The following CREB5 variants were observed in gnomAD, a reference collection of about 807,000 sequenced individuals.
CREB5 encodes the protein cAMP responsive element binding protein 5, also known as cyclic AMP-responsive element-binding protein 5.
CREB5 carries 19 observed loss-of-function variants against 57.1 expected under a neutral mutation model. The ratio of observed to expected loss-of-function variants is 0.33; its 90% confidence interval spans 0.23 to 0.49. The LOEUF (loss-of-function observed/expected upper bound fraction) is 0.49, where lower values mean the gene tolerates loss of function less well. CREB5 is among the 20% of genes least tolerant of loss of function. The pLI, the probability that CREB5 is intolerant of heterozygous loss-of-function variation, is 0.99. For missense variants in CREB5, 579 were observed against 671.6 expected, an observed-to-expected ratio of 0.86 and a Z score of 1.52; for synonymous variants, 238 against 238.3, an observed-to-expected ratio of 1.00 and a Z score of 0.01.
chr7:28,684,361 G>A (rs932107472), intron 5 of CREB5, among the ~76,000 whole-genome samples: 3 of 152,160 alleles, frequency 2.0e-5, no homozygotes, highest in East Asian at 1.9e-4. Context: ...GGTGTCACTC[G>A]GAGCTACTGT....
intron 4 of CREB5, among the ~76,000 whole-genome samples, chr7:28,559,753 A>G (rs1371517402): frequency 6.6e-6 from 1 of 152,210 alleles, no homozygotes; most frequent in Admixed American, 6.5e-5. Flanking sequence ...TATCCAACCA[A>G]TGGTAATTTA....
chr7:28,570,655 C>G, intron 5 of CREB5, 118 bp downstream of exon 5: 1 of 1,171,806 alleles, frequency 8.5e-7, no homozygotes. Context: ...ATGATATTGC[C>G]TAGAGCTCAG....
chr7:28,759,268 T>C (rs923717453), intron 7 of CREB5, among the ~76,000 whole-genome samples: 3 of 152,172 alleles, frequency 2.0e-5, no homozygotes, highest in African/African-American at 7.2e-5. Flanking sequence ...ATATGTTAGA[T>C]CATGTCAAGT....
At chr7:28,415,589 C>G (rs1583435509) in intron 1 of CREB5, among the ~76,000 whole-genome samples, 1 of 152,112 alleles carries the variant, frequency 6.6e-6, no homozygotes, top group Non-Finnish European at 1.5e-5. Flanking sequence ...ATAAGGGCCT[C>G]CTTAATTAAT....
intron 4 of CREB5, among the ~76,000 whole-genome samples, chr7:28,516,519 A>AGGCACCGCCCTCAGCTCAGCT (rs1208001209): frequency 5.3e-5 from 8 of 152,208 alleles, no homozygotes; most frequent in African/African-American, 1.9e-4. Context: ...GAAGCTCCGC[A>AGGCACCGCCCTCAGCTCAGCT]GGCACCGCCC....
intron 5 of CREB5, among the ~76,000 whole-genome samples, chr7:28,716,139 T>G (rs922587574): frequency 2.0e-5 from 3 of 152,052 alleles, no homozygotes; most frequent in African/African-American, 7.2e-5. Context: ...TTTTCTCTAA[T>G]TTTTTTTAAT....
chr7:28,383,392 G>T (rs1476734606), intron 1 of CREB5, among the ~76,000 whole-genome samples: 1 of 152,208 alleles, frequency 6.6e-6, no homozygotes, highest in Non-Finnish European at 1.5e-5. Context: ...AGAAATAGCT[G>T]GGACTGGGTA....
intron 4 of CREB5, among the ~76,000 whole-genome samples, chr7:28,530,401 C>A (rs1793672170): frequency 6.6e-6 from 1 of 152,170 alleles, no homozygotes; most frequent in Non-Finnish European, 1.5e-5. Context: ...TGCTCAGGGG[C>A]AGCTTGGGCT....
At chr7:28,522,415 A>C (rs1174720749) in intron 4 of CREB5, among the ~76,000 whole-genome samples, 1 of 91,784 alleles carries the variant, frequency 1.1e-5, no homozygotes, top group African/African-American at 4.7e-5. Context: ...TTTTTTTCTG[A>C]GGTGGAGTCT....
At chr7:28,776,294 C>G (rs1468983624) in intron 7 of CREB5, among the ~76,000 whole-genome samples, 1 of 149,436 alleles carries the variant, frequency 6.7e-6, no homozygotes, top group African/African-American at 2.5e-5. Context: ...GCCGAGATAG[C>G]GCCACTGCAC....
At chr7:28,684,209 G>A (rs73083763) in intron 5 of CREB5, among the ~76,000 whole-genome samples, 9,601 of 152,270 alleles carry the variant, frequency 0.063, 421 homozygotes, top group Middle Eastern at 0.14. Flanking sequence ...CAAGTCAGAC[G>A]TAAATGAGTT....
intron 4 of CREB5, among the ~76,000 whole-genome samples, chr7:28,569,919 T>C (rs1009410897): frequency 4.6e-5 from 7 of 151,890 alleles, no homozygotes; most frequent in African/African-American, 1.7e-4. Context: ...TGTATATATA[T>C]GGTTGGGCAC....
At chr7:28,402,655 C>T (rs1319047788) in intron 1 of CREB5, among the ~76,000 whole-genome samples, 1 of 152,138 alleles carries the variant, frequency 6.6e-6, no homozygotes, top group East Asian at 1.9e-4. Flanking sequence ...TTTCCTTACA[C>T]CTCATACAAA....
At chr7:28,770,786 G>T (rs56014181) in intron 7 of CREB5, among the ~76,000 whole-genome samples, 37,016 of 152,116 alleles carry the variant, frequency 0.24, 5,494 homozygotes, top group Non-Finnish European at 0.34. Context: ...AGGGGCAGGG[G>T]GATGGGAGAA....
At chr7:28,613,105 G>C (rs758548304) in intron 5 of CREB5, among the ~76,000 whole-genome samples, 35 of 152,200 alleles carry the variant, frequency 2.3e-4, no homozygotes, top group African/African-American at 2.4e-5. Flanking sequence ...TGGGACTACA[G>C]AGGAAAGCAG....
Position 28,464,266 on chromosome 7 carries a change from T to C in CREB5, c.4-23909T>C, listed in dbSNP as rs146468798. ...ATTTATTTTGTTGGAGATTCTTGTA[T>C]CTATATTCATAAGAAATATTGCTGT... is the stretch of plus-strand genomic sequence containing the variant. On this transcript the variant is annotated intron_variant, in intron 1 of 10. Coordinates refer to ENST00000357727, the MANE Select transcript of CREB5 (RefSeq NM_182898.4). 2.5e-3 allele frequency among the ~76,000 whole-genome samples: 383 copies of C among 152,334 alleles called. 4 individuals are homozygous for C. The highest frequency in any genetic ancestry group is 9.0e-3 in the African/African-American group (375 of 41,578).
chr7:28,331,028 T>C (rs1181461102), intron 1 of CREB5, among the ~76,000 whole-genome samples: 2 of 152,162 alleles, frequency 1.3e-5, no homozygotes, highest in African/African-American at 4.8e-5. Context: ...GCTGTATCAG[T>C]TACAATGCTT....
chr7:28,579,180 G>C (rs1255537720), intron 5 of CREB5, among the ~76,000 whole-genome samples: 1 of 152,146 alleles, frequency 6.6e-6, no homozygotes, highest in African/African-American at 2.4e-5. Context: ...CTTTCTCGTA[G>C]CTCAAATTCC....
chr7:28,527,991 T>G (rs1471085285), intron 4 of CREB5, among the ~76,000 whole-genome samples: 1 of 152,204 alleles, frequency 6.6e-6, no homozygotes, highest in African/African-American at 2.4e-5. Context: ...GCCGCCATGT[T>G]TATCTACCTT....
Sources: allele counts gnomAD v4.1 joint callset (sites outside exome capture counted in the v4.1 genomes callset), GRCh38; gene constraint gnomAD v4.1.1; transcripts MANE v1.5; gene names NCBI Gene and HGNC (gene_info 2026-07-23, HGNC 2026-07-21).